The following SCAF8 variants were observed in gnomAD, a reference collection of about 807,000 sequenced individuals.
SCAF8 encodes the protein SR-related and CTD-associated factor 8.
In SCAF8, 23 loss-of-function variants were observed where a neutral mutation model predicts 140.5. The ratio of observed to expected loss-of-function variants is 0.16; its 90% CI spans 0.12 to 0.23. The LOEUF (loss-of-function observed/expected upper bound fraction) is 0.23, where lower values mean the gene tolerates loss of function less well. Among genes scored for constraint, SCAF8 ranks in the 10% least tolerant of loss-of-function variants. The pLI, the probability that SCAF8 is intolerant of heterozygous loss-of-function variation, is 1.00. For synonymous variants in SCAF8, 575 were observed against 528.9 expected (o/e 1.09, Z -1.20); for missense variants, 1,397 against 1,555.7 (o/e 0.90, Z 1.72).
At chr6:154,824,528 T>C (rs1407946250) in intron 17 of SCAF8, 150 bp downstream of exon 17, 4 of 668,280 alleles carry the variant, frequency 6.0e-6, no homozygotes, top group Non-Finnish European at 9.9e-6. Flanking sequence ...CAGCCTCCAC[T>C]GTTTTTGCTT....
At chr6:154,743,689 A>G (rs989995717) in intron 1 of SCAF8, among the ~76,000 whole-genome samples, 2 of 152,218 alleles carry the variant, frequency 1.3e-5, no homozygotes, top group Admixed American at 1.3e-4. Flanking sequence ...GAGGTTGACC[A>G]AATCCTAATT....
intron 1 of SCAF8, among the ~76,000 whole-genome samples, chr6:154,743,943 T>C (rs1778633299): frequency 6.6e-6 from 1 of 152,188 alleles, no homozygotes; most frequent in South Asian, 2.1e-4. Flanking sequence ...CTCACTATGA[T>C]GAAAAAAATC....
chr6:154,821,250 C>G (rs1020190448), intron 15 of SCAF8, among the ~76,000 whole-genome samples: 1 of 141,976 alleles, frequency 7.0e-6, no homozygotes, highest in Non-Finnish European at 1.6e-5. Flanking sequence ...CTGTTGGTAG[C>G]CTGTTCTGTA....
At chr6:154,812,188 T>C (rs1778112140) in intron 12 of SCAF8, among the ~76,000 whole-genome samples, 1 of 148,628 alleles carries the variant, frequency 6.7e-6, no homozygotes, top group East Asian at 1.9e-4. Context: ...TTTTTTTTTT[T>C]TTTTTTTTTT....
chr6:154,821,817 TG>T (rs1014220621), intron 15 of SCAF8, among the ~76,000 whole-genome samples: 12 of 152,228 alleles, frequency 7.9e-5, no homozygotes, highest in African/African-American at 2.7e-4. Flanking sequence ...ATCTTTACTT[TG>T]AATAAGATGG....
At chr6:154,779,779 GTGTA>G (rs1169530570) in intron 3 of SCAF8, among the ~76,000 whole-genome samples, 32 of 97,652 alleles carry the variant, frequency 3.3e-4, no homozygotes, top group East Asian at 1.1e-3. Flanking sequence ...GTGTGTGTGT[GTGTA>G]TATATATATA....
chr6:154,770,388 A>ACACTCTCTCT (rs1384942827), intron 1 of SCAF8, among the ~76,000 whole-genome samples: 1 of 141,918 alleles, frequency 7.0e-6, no homozygotes, highest in Non-Finnish European at 1.5e-5. Flanking sequence ...ACACACACAC[A>ACACTCTCTCT]CTCTCTCTCT....
intron 6 of SCAF8, among the ~76,000 whole-genome samples, chr6:154,797,457 G>A (rs1448898637): frequency 6.6e-6 from 1 of 151,170 alleles, no homozygotes; most frequent in Non-Finnish European, 1.5e-5. Context: ...GTACAGTGGT[G>A]CAATCTTGGC....
In SCAF8 at chr6:154,831,156, A is replaced by G. The variant is rs760147226; in HGVS notation, c.2359+16A>G. The G allele has an allele frequency of 8.3e-6, 12 of 1,446,758 alleles. No homozygotes were observed. The East Asian group carries it at 1.5e-4, about 18-fold the overall frequency. The allele number at this position is 1,446,758 out of a possible 1,614,324, so 89.6% of individuals were successfully genotyped here. A position where few individuals can be genotyped will look rare whatever the true frequency, so the allele number is the denominator to read the frequency against. On this transcript the variant is annotated intron_variant, in intron 19 of 19. Transcript: ENST00000367178. ...ACCAGATCAGGTAAATAATAATAAT[A>G]AAATTTAAAAAAAGAGGTTGCCTCT...
In SCAF8 at chr6:154,733,845, A is replaced by G; in HGVS notation, c.-56A>G. The G allele has an allele frequency of 6.5e-7, 1 of 1,536,064 alleles. No homozygotes were observed. Among genetic ancestry groups the G allele is most frequent in the East Asian group, 2.7e-5 (1 of 37,122 alleles). ...AGCCCGCGTCTCGCTCTCCCCACCC[A>G]GTGCAGTGGCCGCCGCCTCTTCCGC... is the stretch of plus-strand genomic sequence containing the variant. On this transcript the variant is annotated 5_prime_UTR_variant, in exon 1 of 20. Coordinates refer to ENST00000367178, the MANE Select transcript of SCAF8 (RefSeq NM_014892.5).
chr6:154,824,497 T>C (rs1339150586), intron 17 of SCAF8, 119 bp downstream of exon 17: 1 of 876,204 alleles, frequency 1.1e-6, no homozygotes. Flanking sequence ...ATAGCCTTGT[T>C]AAAGCGCAGA....
At chr6:154,792,011 A>AT (rs1334161825) in intron 4 of SCAF8, among the ~76,000 whole-genome samples, 7 of 151,676 alleles carry the variant, frequency 4.6e-5, no homozygotes, top group South Asian at 2.1e-4. Context: ...ATTTTTTATT[A>AT]TTTTTTTTAA....
chr6:154,786,397 A>G (rs933656031), intron 3 of SCAF8, among the ~76,000 whole-genome samples: 5 of 152,256 alleles, frequency 3.3e-5, no homozygotes, highest in African/African-American at 1.2e-4. Context: ...TGTTATACTC[A>G]GGAGCAATTT....
intron 6 of SCAF8, among the ~76,000 whole-genome samples, chr6:154,800,342 G>A (rs376623270): frequency 1.3e-5 from 2 of 151,598 alleles, no homozygotes; most frequent in Middle Eastern, 3.4e-3. Context: ...AATGAATGAT[G>A]TACAAAAGCA....
chr6:154,759,211 A>G (rs1779040308), intron 1 of SCAF8, among the ~76,000 whole-genome samples: 1 of 152,082 alleles, frequency 6.6e-6, no homozygotes, highest in South Asian at 2.1e-4. Context: ...AGTTTGGTTT[A>G]CTCGATCTTG....
chr6:154,778,100 C>T (rs1038924067), intron 3 of SCAF8, 55 bp downstream of exon 3: 2 of 988,670 alleles, frequency 2.0e-6, no homozygotes, highest in Non-Finnish European at 3.1e-6. Context: ...TGCCTGTACT[C>T]TTCTCCTTTA....
At chr6:154,805,727 T>C (rs531563508) in intron 9 of SCAF8, among the ~76,000 whole-genome samples, 1 of 152,188 alleles carries the variant, frequency 6.6e-6, no homozygotes, top group Admixed American at 6.5e-5. Flanking sequence ...TCAAATTGTG[T>C]TCTGGTAACT....
In SCAF8 at chr6:154,808,232, T is replaced by A. The variant is rs1359683028; in HGVS notation, c.1113+31T>A. The stretch of plus-strand genomic sequence containing the variant: ...AGTAAATGTTTTTCTGGGTCATAAA[T>A]TTCTAAAAGTAGCTAAAGAAATCAT... On this transcript the variant is annotated intron_variant, in intron 10 of 19. Transcript: ENST00000367178. 3 of 1,592,152 alleles carry A rather than the reference T, an allele frequency of 1.9e-6. No homozygotes were observed. In the African/African-American group the frequency reaches 4.0e-5, roughly 21 times the overall value.
chr6:154,782,214 T>C (rs1777106159), intron 3 of SCAF8, among the ~76,000 whole-genome samples: 1 of 152,164 alleles, frequency 6.6e-6, no homozygotes, highest in Admixed American at 6.5e-5. Context: ...GAGACCAGCC[T>C]GGGCAAACGT....
Sources: allele counts gnomAD v4.1 joint callset (sites outside exome capture counted in the v4.1 genomes callset), GRCh38; gene constraint gnomAD v4.1.1; transcripts MANE v1.5; gene names NCBI Gene and HGNC (gene_info 2026-07-23, HGNC 2026-07-21).